The following TGFB2 variants were observed in gnomAD, a reference collection of about 807,000 sequenced individuals.
The protein encoded by TGFB2 is transforming growth factor beta-2 proprotein.
In TGFB2, 13 loss-of-function variants were observed where a neutral mutation model predicts 42.7. The ratio of observed to expected loss-of-function variants is 0.30; its 90% CI spans 0.20 to 0.48. The LOEUF is 0.48. Ranked by LOEUF, TGFB2 falls within the 20% of genes least tolerant of loss-of-function variation. The probability of loss-of-function intolerance (pLI) is 0.99; values close to 1 mark genes in which losing one functional copy is unlikely to be tolerated. For missense variants in TGFB2, 390 were observed against 517.5 expected (o/e 0.75, Z 2.39); for synonymous variants, 193 against 193.6 (o/e 1.00, Z 0.03).
At chr1:218,392,334 C>A (rs1169225533) in intron 1 of TGFB2, among the ~76,000 whole-genome samples, 4 of 152,106 alleles carry the variant, frequency 2.6e-5, no homozygotes, top group African/African-American at 4.8e-5. Flanking sequence ...GCCTGGACGA[C>A]AGAGCAAGAC....
At chr1:218,424,413 G>A (rs1431018759) in intron 2 of TGFB2, among the ~76,000 whole-genome samples, 1 of 152,212 alleles carries the variant, frequency 6.6e-6, no homozygotes, top group Non-Finnish European at 1.5e-5. Context: ...TTTGAAAAAT[G>A]AATTATATAA....
intron 1 of TGFB2, among the ~76,000 whole-genome samples, chr1:218,385,614 A>G (rs1490398509): frequency 2.6e-5 from 4 of 152,232 alleles, no homozygotes; most frequent in Non-Finnish European, 1.5e-5. Flanking sequence ...ACATAGCTGC[A>G]GAGGATCACA....
intron 2 of TGFB2, among the ~76,000 whole-genome samples, chr1:218,428,465 T>C (rs1217636222): frequency 2.0e-5 from 3 of 152,232 alleles, no homozygotes; most frequent in Non-Finnish European, 4.4e-5. Flanking sequence ...TTTTATGGTT[T>C]TAGGTCTAAC....
intron 1 of TGFB2, among the ~76,000 whole-genome samples, chr1:218,372,043 CG>C (rs1657590479): frequency 6.6e-6 from 1 of 152,156 alleles, no homozygotes. Flanking sequence ...CGTCCCTGAG[CG>C]TGCTAGGTAG....
intron 1 of TGFB2, among the ~76,000 whole-genome samples, chr1:218,358,772 G>A (rs1341382340): frequency 6.6e-6 from 1 of 152,028 alleles, no homozygotes; most frequent in Non-Finnish European, 1.5e-5. Context: ...TCAGTCTCCT[G>A]ACCTCATGAT....
chr1:218,378,672 C>CCA (rs1391132323), intron 1 of TGFB2, among the ~76,000 whole-genome samples: 2 of 151,886 alleles, frequency 1.3e-5, no homozygotes, highest in Non-Finnish European at 2.9e-5. Context: ...GGTGCAGGGA[C>CCA]CATAGCTCAC....
intron 1 of TGFB2, among the ~76,000 whole-genome samples, chr1:218,369,239 A>G (rs995606198): frequency 1.5e-5 from 2 of 132,220 alleles, no homozygotes; most frequent in Non-Finnish European, 3.1e-5. Flanking sequence ...TGGGCAACAA[A>G]GCAAGATTCC....
At position 218,384,873 on chromosome 1, in the gene TGFB2, C is replaced by A. The variant is rs1658081884; in HGVS notation, c.347-20296C>A. Among the ~76,000 whole-genome samples the A allele has an allele frequency of 2.0e-5, 3 of 152,318 alleles. No individual in the cohort carries two copies. In the South Asian group the frequency reaches 6.2e-4, roughly 32 times the overall value. On this transcript the variant is annotated intron_variant, in intron 1 of 6. Transcript: ENST00000366930. ...TTCAGTGAAGCCCGATTGTCTCTGA[C>A]AGTTGAGGACAAAGTGGCTGCAGAT...
At chr1:218,371,305 C>A (rs367873824) in intron 1 of TGFB2, among the ~76,000 whole-genome samples, 3 of 152,038 alleles carry the variant, frequency 2.0e-5, no homozygotes, top group African/African-American at 7.2e-5. Context: ...CTGTCTCAAT[C>A]AATCAATAAA....
chr1:218,423,903 A>G (rs946310125), intron 2 of TGFB2, among the ~76,000 whole-genome samples: 3 of 152,232 alleles, frequency 2.0e-5, no homozygotes, highest in Non-Finnish European at 4.4e-5. Context: ...TGATGAGAGA[A>G]TTATAGATCC....
At chr1:218,421,882 G>A (rs1420532104) in intron 2 of TGFB2, among the ~76,000 whole-genome samples, 3 of 152,112 alleles carry the variant, frequency 2.0e-5, no homozygotes, top group South Asian at 4.1e-4. Flanking sequence ...TGCAACTATA[G>A]CCAAGGAACA....
intron 1 of TGFB2, among the ~76,000 whole-genome samples, chr1:218,371,256 G>A (rs904120258): frequency 1.3e-5 from 2 of 152,124 alleles, no homozygotes; most frequent in African/African-American, 4.8e-5. Flanking sequence ...AGCCGAGATC[G>A]CACTACTGCA....
At chr1:218,436,674 A>T (rs1166673254) in intron 5 of TGFB2, among the ~76,000 whole-genome samples, 1 of 152,222 alleles carries the variant, frequency 6.6e-6, no homozygotes, top group Non-Finnish European at 1.5e-5. Flanking sequence ...GGAGAATGTG[A>T]ATGTTCTTAT....
intron 2 of TGFB2, among the ~76,000 whole-genome samples, chr1:218,408,044 C>G (rs1318002830): frequency 6.6e-6 from 1 of 152,136 alleles, no homozygotes; most frequent in Non-Finnish European, 1.5e-5. Context: ...CTTAAATTTC[C>G]TTCTTTGCTG....
chr1:218,424,698 T>A (rs1443994867), intron 2 of TGFB2, among the ~76,000 whole-genome samples: 1 of 152,228 alleles, frequency 6.6e-6, no homozygotes, highest in African/African-American at 2.4e-5. Flanking sequence ...CAGAAAGGAT[T>A]TGGAGTGGAA....
intron 1 of TGFB2, among the ~76,000 whole-genome samples, chr1:218,348,133 G>C (rs1331411915): frequency 7.3e-5 from 11 of 150,022 alleles, no homozygotes; most frequent in Non-Finnish European, 1.2e-4. Context: ...ACCTGAGAGG[G>C]TTAAATACCA....
In TGFB2 at chr1:218,405,301, G is replaced by C. The variant is rs748852886; in HGVS notation, c.479G>C (p.Arg160Thr). 1 of 1,614,192 alleles carries C rather than the reference G, an allele frequency of 6.2e-7. No homozygotes were observed. Among genetic ancestry groups the C allele is most frequent in the South Asian group, 1.1e-5 (1 of 91,082 alleles). The change falls in exon 2 of 7, where the codon AGA becomes ACA. Residue 160 changes from arginine to threonine, a missense_variant. By Grantham distance (71) the Arg-to-Thr change is moderately conservative (BLOSUM62 -1). Transcript: ENST00000366930. ...RVFRLQNPKA[R>T]VPEQRIELYQ... ...TTTCGTTTGCAGAACCCAAAAGCCA[G>C]AGTGCCTGAACAACGGATTGAGCTA... is the stretch of plus-strand genomic sequence containing the variant.
At position 218,409,889 on chromosome 1, in the gene TGFB2, A is replaced by G. The variant is rs6679372; in HGVS notation, c.510+4557A>G. 6.3e-3 allele frequency among the ~76,000 whole-genome samples: 960 copies of G among 152,338 alleles called. 15 individuals carry two copies. The highest frequency in any genetic ancestry group is 0.02 in the African/African-American group (834 of 41,580). On this transcript the variant is annotated intron_variant, in intron 2 of 6. Coordinates refer to ENST00000366930, the MANE Select transcript of TGFB2 (RefSeq NM_003238.6). ...GGATTATTTATTAGGACTCTTCAGG[A>G]CACTGATGTTCAGTAGGAGGAGAGT... is the stretch of plus-strand genomic sequence containing the variant.
intron 1 of TGFB2, among the ~76,000 whole-genome samples, chr1:218,371,560 T>A (rs1336800972): frequency 6.6e-6 from 1 of 152,142 alleles, no homozygotes; most frequent in Non-Finnish European, 1.5e-5. Flanking sequence ...CAGTACCAGG[T>A]TTCTAAAGCA....
Sources: allele counts gnomAD v4.1 joint callset (sites outside exome capture counted in the v4.1 genomes callset), GRCh38; gene constraint gnomAD v4.1.1; transcripts MANE v1.5; gene names NCBI Gene and HGNC (gene_info 2026-07-23, HGNC 2026-07-21).